SLC39A11: variants seen among roughly 807,000 people sequenced by gnomAD.
SLC39A11 encodes the protein zinc transporter ZIP11.
SLC39A11 carries 33 observed loss-of-function variants against 36.1 expected under a neutral mutation model. The ratio of observed to expected loss-of-function variants is 0.91; its 90% confidence interval spans 0.69 to 1.22. The LOEUF (loss-of-function observed/expected upper bound fraction) is 1.22, where lower values mean the gene tolerates loss of function less well. Among genes scored for constraint, SLC39A11 ranks in the 50% most tolerant of loss-of-function variants. The pLI is 0.00. For synonymous variants in SLC39A11, 166 were observed against 170.3 expected, an observed-to-expected ratio of 0.97 and a Z score of 0.20; for missense variants, 432 against 430.3, an observed-to-expected ratio of 1.00 and a Z score of -0.03.
At chr17:72,802,618 A>G (rs2077126910) in intron 6 of SLC39A11, among the ~76,000 whole-genome samples, 1 of 151,724 alleles carries the variant, frequency 6.6e-6, no homozygotes, top group Non-Finnish European at 1.5e-5. Flanking sequence ...AAAGAAAAGA[A>G]AAGAAAATCA....
At chr17:72,847,381 G>A (rs538056363) in intron 6 of SLC39A11, among the ~76,000 whole-genome samples, 33 of 148,056 alleles carry the variant, frequency 2.2e-4, no homozygotes, top group Non-Finnish European at 4.5e-4. Flanking sequence ...CAGCCTGGGC[G>A]ACAGAGCGAG....
chr17:72,741,561 T>C (rs2074705683), intron 6 of SLC39A11, among the ~76,000 whole-genome samples: 1 of 152,158 alleles, frequency 6.6e-6, no homozygotes, highest in Admixed American at 6.5e-5. Context: ...AGTCCCCCAT[T>C]TCCCGAGGCA....
intron 5 of SLC39A11, among the ~76,000 whole-genome samples, chr17:72,887,993 T>G (rs4506975): frequency 0.083 from 12,693 of 152,254 alleles, 527 homozygotes; most frequent in Middle Eastern, 0.11. Flanking sequence ...GCCTTGGAAA[T>G]TCCATTTCTC....
At chr17:72,760,508 C>T (rs1452457106) in intron 6 of SLC39A11, among the ~76,000 whole-genome samples, 2 of 152,132 alleles carry the variant, frequency 1.3e-5, no homozygotes. Flanking sequence ...TGAACAATCC[C>T]ACGGCCACTG....
At chr17:73,016,737 G>C (rs903650206) in intron 4 of SLC39A11, among the ~76,000 whole-genome samples, 4 of 152,208 alleles carry the variant, frequency 2.6e-5, no homozygotes, top group African/African-American at 9.6e-5. Flanking sequence ...AGTTAAGGCA[G>C]CTGTGGCAAT....
At chr17:73,078,460 T>C (rs902484921) in intron 3 of SLC39A11, among the ~76,000 whole-genome samples, 1 of 151,496 alleles carries the variant, frequency 6.6e-6, no homozygotes, top group African/African-American at 2.4e-5. Flanking sequence ...TAAATAAAAC[T>C]GTTTCATTAG....
intron 7 of SLC39A11, among the ~76,000 whole-genome samples, chr17:72,715,162 G>A (rs60180801): frequency 0.2 from 30,364 of 152,152 alleles, 4,238 homozygotes; most frequent in African/African-American, 0.4. Flanking sequence ...GGGAGCCCGC[G>A]AGAGGCTCTC....
intron 7 of SLC39A11, among the ~76,000 whole-genome samples, chr17:72,724,106 T>A (rs952369632): frequency 6.6e-6 from 1 of 152,046 alleles, no homozygotes; most frequent in Non-Finnish European, 1.5e-5. Context: ...CCCTTTTATT[T>A]TTTTTTTTCT....
chr17:73,024,849 C>T lies in SLC39A11; in HGVS notation c.306+6707G>A, dbSNP rs532028228. 2.1e-4 allele frequency among the ~76,000 whole-genome samples: 32 copies of T among 150,096 alleles called. 1 individual carries two copies. Among genetic ancestry groups the T allele is most frequent in the African/African-American group, 7.6e-4 (31 of 40,888 alleles). Reference sequence around the variant, plus strand: ...AGTACCTGGGATTACAGACACGCAACACCATGCCCAGCTAATTTTTTTTTT... The same window carrying T: ...AGTACCTGGGATTACAGACACGCAATACCATGCCCAGCTAATTTTTTTTTT... On this transcript the variant is annotated intron_variant, in intron 4 of 9. Transcript: ENST00000255559.
chr17:72,656,808 T>G (rs936735647), intron 7 of SLC39A11, among the ~76,000 whole-genome samples: 1 of 152,184 alleles, frequency 6.6e-6, no homozygotes, highest in Non-Finnish European at 1.5e-5. Context: ...GGTTTATTTT[T>G]AAAGTTCATT....
intron 6 of SLC39A11, among the ~76,000 whole-genome samples, chr17:72,766,912 GCCAGC>G (rs2075778019): frequency 6.6e-6 from 1 of 151,984 alleles, no homozygotes; most frequent in Non-Finnish European, 1.5e-5. Flanking sequence ...CCAGAGACAT[GCCAGC>G]CCCAAGATAA....
rs569067044 is a variant in SLC39A11 at position 72,904,182 on chromosome 17, C to G, written c.430+43570G>C. 5.3e-5 allele frequency among the ~76,000 whole-genome samples: 8 copies of G among 152,300 alleles called. No homozygotes were observed. In the East Asian group the frequency reaches 1.4e-3, roughly 26 times the overall value. ...GCGCGGTGGCACACACGTGCAGTCC[C>G]AGCTACTTGGGAGGCTGAGGAAGGA... On this transcript the variant is annotated intron_variant, in intron 5 of 9. Coordinates refer to ENST00000255559, the MANE Select transcript of SLC39A11 (RefSeq NM_139177.4).
chr17:72,967,488 G>C (rs1163010109), intron 4 of SLC39A11, among the ~76,000 whole-genome samples: 1 of 151,790 alleles, frequency 6.6e-6, no homozygotes, highest in Non-Finnish European at 1.5e-5. Context: ...CTCCACACCA[G>C]AGTGCCCGCC....
intron 7 of SLC39A11, among the ~76,000 whole-genome samples, chr17:72,658,469 C>T (rs1363699206): frequency 6.6e-6 from 1 of 152,146 alleles, no homozygotes; most frequent in South Asian, 2.1e-4. Context: ...GTTGTTTCTG[C>T]TTTTTCTTAG....
intron 3 of SLC39A11, among the ~76,000 whole-genome samples, chr17:73,056,516 G>C (rs2059675626): frequency 6.6e-6 from 1 of 151,954 alleles, no homozygotes; most frequent in Non-Finnish European, 1.5e-5. Flanking sequence ...TTTGGCTTTT[G>C]CATCCAGGAT....
intron 3 of SLC39A11, among the ~76,000 whole-genome samples, chr17:73,044,419 A>C (rs2059204880): frequency 6.6e-6 from 1 of 152,250 alleles, no homozygotes; most frequent in Non-Finnish European, 1.5e-5. Context: ...AAATCATTAC[A>C]CGGAGTGAAA....
At chr17:73,028,840 G>A (rs553662146) in intron 4 of SLC39A11, among the ~76,000 whole-genome samples, 6 of 151,438 alleles carry the variant, frequency 4.0e-5, no homozygotes, top group Non-Finnish European at 5.9e-5. Context: ...TGCTGCAGCC[G>A]GGCACGGTGG....
intron 3 of SLC39A11, among the ~76,000 whole-genome samples, chr17:73,045,403 A>G (rs796480009): frequency 6.7e-6 from 1 of 149,690 alleles, no homozygotes; most frequent in African/African-American, 2.4e-5. Flanking sequence ...AAAAAAAAAA[A>G]AAAAAAAAAG....
intron 5 of SLC39A11, among the ~76,000 whole-genome samples, chr17:72,859,682 C>T (rs1255495621): frequency 2.0e-5 from 3 of 150,976 alleles, no homozygotes; most frequent in African/African-American, 7.3e-5. Flanking sequence ...ACGTGTAGCC[C>T]AGGGCAGGAG....
Sources: gnomAD v4.1 joint callset for allele counts (sites outside exome capture counted in the v4.1 genomes callset) on GRCh38, gnomAD v4.1.1 for gene constraint, MANE v1.5 for transcripts, NCBI Gene and HGNC (gene_info 2026-07-23, HGNC 2026-07-21) for gene names.